Variants in PAX5 observed in about 807,000 individuals in gnomAD.
The protein encoded by PAX5 is paired box 5, also known as paired box protein Pax-5.
PAX5 carries 9 observed loss-of-function variants against 43.7 expected under a neutral mutation model. The ratio of observed to expected loss-of-function variants is 0.21; its 90% confidence interval spans 0.12 to 0.36. The LOEUF (loss-of-function observed/expected upper bound fraction) is 0.36, where lower values mean the gene tolerates loss of function less well. PAX5 is among the 10% of genes least tolerant of loss of function. The pLI, the probability that PAX5 is intolerant of heterozygous loss-of-function variation, is 1.00. For synonymous variants in PAX5, 228 were observed against 214.3 expected (o/e 1.06, Z -0.56); for missense variants, 383 against 532.7 (o/e 0.72, Z 2.77).
At chr9:36,937,672 C>T (rs1274658938) in intron 6 of PAX5, among the ~76,000 whole-genome samples, 6 of 152,200 alleles carry the variant, frequency 3.9e-5, no homozygotes, top group Admixed American at 3.9e-4. Context: ...CTCACTTTCT[C>T]TCCTCCAGTT....
chr9:37,007,152 C>A (rs1300860157), intron 3 of PAX5, among the ~76,000 whole-genome samples: 2 of 152,178 alleles, frequency 1.3e-5, no homozygotes, highest in Non-Finnish European at 2.9e-5. Flanking sequence ...GGAAGCCTAC[C>A]TTGCACCAAA....
At chr9:36,965,330 C>A (rs1294735343) in intron 6 of PAX5, among the ~76,000 whole-genome samples, 3 of 152,204 alleles carry the variant, frequency 2.0e-5, no homozygotes, top group Non-Finnish European at 4.4e-5. Flanking sequence ...TGGCTCCAGG[C>A]CTTGCACAAA....
At chr9:36,958,584 C>T (rs996241188) in intron 6 of PAX5, among the ~76,000 whole-genome samples, 2 of 152,060 alleles carry the variant, frequency 1.3e-5, no homozygotes, top group African/African-American at 2.4e-5. Flanking sequence ...CCCAGGCAGC[C>T]ATCTTCAGGG....
intron 8 of PAX5, among the ~76,000 whole-genome samples, chr9:36,857,852 C>T (rs979056684): frequency 1.3e-5 from 2 of 152,224 alleles, no homozygotes; most frequent in African/African-American, 2.4e-5. Flanking sequence ...GGATACTGGC[C>T]GATAAACCCA....
At chr9:36,949,909 C>T (rs1832856491) in intron 6 of PAX5, among the ~76,000 whole-genome samples, 1 of 150,354 alleles carries the variant, frequency 6.7e-6, no homozygotes, top group Non-Finnish European at 1.5e-5. Context: ...ATTTCCCGTT[C>T]CTCGGGACCT....
chr9:37,021,925 C>A (rs1839889828), intron 1 of PAX5, among the ~76,000 whole-genome samples: 3 of 152,146 alleles, frequency 2.0e-5, no homozygotes, highest in African/African-American at 7.2e-5. Context: ...TAGGACTGGA[C>A]CGTACAAGGG....
chr9:36,967,193 T>C (rs1044830262), intron 5 of PAX5, among the ~76,000 whole-genome samples: 2 of 152,160 alleles, frequency 1.3e-5, no homozygotes, highest in African/African-American at 4.8e-5. Context: ...TACCACATCA[T>C]GTGACCGGTC....
intron 8 of PAX5, among the ~76,000 whole-genome samples, chr9:36,849,002 A>C (rs1272444768): frequency 6.6e-6 from 1 of 152,162 alleles, no homozygotes; most frequent in East Asian, 1.9e-4. Flanking sequence ...TGGTGAATGT[A>C]GAGGTCCTTG....
chr9:36,866,077 C>A (rs1489001473), intron 8 of PAX5, among the ~76,000 whole-genome samples: 1 of 152,292 alleles, frequency 6.6e-6, no homozygotes, highest in East Asian at 1.9e-4. Context: ...TGCCTCAAAT[C>A]CATTTTGGAA....
chr9:36,850,128 G>A (rs760086779), intron 8 of PAX5, among the ~76,000 whole-genome samples: 30 of 152,238 alleles, frequency 2.0e-4, no homozygotes, highest in Non-Finnish European at 4.1e-4. Flanking sequence ...CAGTGGGGCT[G>A]GGCAGAACGT....
chr9:36,842,480 C>T (rs933816948), intron 9 of PAX5, among the ~76,000 whole-genome samples: 2 of 152,196 alleles, frequency 1.3e-5, no homozygotes, highest in Non-Finnish European at 2.9e-5. Context: ...CTCTGACCCA[C>T]TCCCTCCCAA....
intron 7 of PAX5, among the ~76,000 whole-genome samples, chr9:36,905,159 G>A (rs895669934): frequency 6.6e-6 from 1 of 152,216 alleles, no homozygotes; most frequent in African/African-American, 2.4e-5. Context: ...CCTCAGCAGT[G>A]TTGTGAGATC....
intron 7 of PAX5, among the ~76,000 whole-genome samples, chr9:36,884,955 C>T (rs922020327): frequency 1.3e-5 from 2 of 152,338 alleles, no homozygotes; most frequent in African/African-American, 4.8e-5. Flanking sequence ...CACTCTGCCT[C>T]CGAGTTCCCA....
At chr9:36,893,220 G>GC (rs1827553029) in intron 7 of PAX5, among the ~76,000 whole-genome samples, 1 of 152,200 alleles carries the variant, frequency 6.6e-6, no homozygotes, top group Non-Finnish European at 1.5e-5. Flanking sequence ...AAGTGCAGTT[G>GC]CCCCCTGCCC....
intron 1 of PAX5, among the ~76,000 whole-genome samples, chr9:37,024,469 C>T (rs141979873): frequency 3.9e-5 from 6 of 152,300 alleles, no homozygotes; most frequent in Non-Finnish European, 8.8e-5. Context: ...CCTCTACTAC[C>T]TCAGCCACCT....
At chr9:36,880,057 T>A (rs1243492783) in intron 8 of PAX5, among the ~76,000 whole-genome samples, 1 of 152,220 alleles carries the variant, frequency 6.6e-6, no homozygotes, top group Non-Finnish European at 1.5e-5. Context: ...AGCTAGCAAA[T>A]CGTTAAATGA....
intron 7 of PAX5, among the ~76,000 whole-genome samples, chr9:36,888,468 C>T (rs4880030): frequency 0.82 from 124,569 of 152,172 alleles, 52,124 homozygotes; most frequent in Non-Finnish European, 0.91. Context: ...ACTACAGTAG[C>T]AACATTCATA....
chr9:36,941,366 A>G (rs1041738532), intron 6 of PAX5, among the ~76,000 whole-genome samples: 1 of 152,226 alleles, frequency 6.6e-6, no homozygotes, highest in Non-Finnish European at 1.5e-5. Context: ...ATTATTCCTC[A>G]GGAAGCAGCA....
intron 5 of PAX5, among the ~76,000 whole-genome samples, chr9:36,989,838 A>G (rs954849125): frequency 3.9e-5 from 6 of 152,188 alleles, no homozygotes; most frequent in Admixed American, 1.3e-4. Flanking sequence ...CCCATTCGGT[A>G]CATATTTGCT....
Sources: gnomAD v4.1 joint callset for allele counts (sites outside exome capture counted in the v4.1 genomes callset) on GRCh38, gnomAD v4.1.1 for gene constraint, MANE v1.5 for transcripts, NCBI Gene and HGNC (gene_info 2026-07-23, HGNC 2026-07-21) for gene names.